WWOX: variants seen among roughly 807,000 people sequenced by gnomAD.
The protein encoded by WWOX is WW domain-containing oxidoreductase.
A neutral mutation model predicts 46.2 loss-of-function variants in WWOX; 69 were observed. The ratio of observed to expected loss-of-function variants is 1.49; its 90% CI spans 1.23 to 1.82. The LOEUF (loss-of-function observed/expected upper bound fraction) is 1.82, where lower values mean the gene tolerates loss of function less well. WWOX is among the 40% of genes most tolerant of loss of function. The probability of loss-of-function intolerance (pLI) is 0.00; values close to 1 mark genes in which losing one functional copy is unlikely to be tolerated. For synonymous variants in WWOX, 359 were observed against 202.6 expected (o/e 1.77, Z -6.56); for missense variants, 919 against 542.6 (o/e 1.69, Z -6.89).
At chr16:78,261,904 G>C (rs887902907) in intron 5 of WWOX, among the ~76,000 whole-genome samples, 1 of 150,078 alleles carries the variant, frequency 6.7e-6, no homozygotes, top group Admixed American at 6.7e-5. Flanking sequence ...GAAATTGACT[G>C]TGTAAGTTAA....
At chr16:78,649,105 C>T (rs929035922) in intron 8 of WWOX, among the ~76,000 whole-genome samples, 5 of 152,040 alleles carry the variant, frequency 3.3e-5, no homozygotes, top group Non-Finnish European at 7.4e-5. Context: ...TCCCAAGTAG[C>T]TGAGATTACA....
intron 6 of WWOX, among the ~76,000 whole-genome samples, chr16:78,423,408 A>T (rs7201782): frequency 0.096 from 14,567 of 152,018 alleles, 2,006 homozygotes; most frequent in African/African-American, 0.31. Context: ...AGTTTACTTT[A>T]TATTTGCTGC....
At chr16:78,715,593 C>G (rs1567510770) in intron 8 of WWOX, among the ~76,000 whole-genome samples, 1 of 151,934 alleles carries the variant, frequency 6.6e-6, no homozygotes, top group East Asian at 1.9e-4. Flanking sequence ...AAGCGATTCT[C>G]CTGCCTCAGC....
At chr16:78,764,992 G>C (rs1162333771) in intron 8 of WWOX, among the ~76,000 whole-genome samples, 1 of 152,188 alleles carries the variant, frequency 6.6e-6, no homozygotes, top group Non-Finnish European at 1.5e-5. Context: ...TTAAGATATG[G>C]TTGAGGGATG....
At chr16:78,456,793 T>C (rs763156965) in intron 8 of WWOX, among the ~76,000 whole-genome samples, 3 of 152,274 alleles carry the variant, frequency 2.0e-5, no homozygotes, top group Non-Finnish European at 4.4e-5. Flanking sequence ...TTTAAAGTGC[T>C]GTGGCTTTTT....
chr16:79,091,632 C>T (rs186331820), intron 8 of WWOX, among the ~76,000 whole-genome samples: 5 of 152,210 alleles, frequency 3.3e-5, no homozygotes, highest in East Asian at 1.9e-4. Context: ...AAAGTACCCT[C>T]GGGCAATTTA....
intron 8 of WWOX, among the ~76,000 whole-genome samples, chr16:78,462,893 T>A (rs1486727141): frequency 2.0e-5 from 3 of 152,174 alleles, no homozygotes; most frequent in South Asian, 2.1e-4. Context: ...CCTTACTGTT[T>A]CCCTTGGGCA....
intron 8 of WWOX, among the ~76,000 whole-genome samples, chr16:78,786,322 G>T (rs1245071226): frequency 6.6e-6 from 1 of 152,146 alleles, no homozygotes; most frequent in Non-Finnish European, 1.5e-5. Context: ...GTGGTACCCT[G>T]AGCAATTTTA....
intron 8 of WWOX, among the ~76,000 whole-genome samples, chr16:78,648,225 G>A (rs2046887904): frequency 6.6e-6 from 1 of 152,148 alleles, no homozygotes; most frequent in African/African-American, 2.4e-5. Context: ...TCTAATTCAT[G>A]CATATCCCTA....
rs754249009 is a variant in WWOX, at chr16:78,640,452, C to G, written c.1056+207700C>G. 2.6e-5 allele frequency among the ~76,000 whole-genome samples: 4 copies of G among 152,066 alleles called. No individual in the cohort carries two copies. The South Asian group carries it at 8.3e-4, about 32-fold the overall frequency. On this transcript the variant is annotated intron_variant, in intron 8 of 8. Transcript: ENST00000566780. ...AGGCTCACGTCTCCACATTCTGCAC[C>G]TCCCAGGCTCCTGCCATTGATGTGA...
At chr16:78,929,305 C>T (rs985519861) in intron 8 of WWOX, among the ~76,000 whole-genome samples, 7 of 151,626 alleles carry the variant, frequency 4.6e-5, no homozygotes, top group African/African-American at 1.7e-4. Flanking sequence ...TTAAGAGCCT[C>T]AAGTGTCCAA....
intron 8 of WWOX, among the ~76,000 whole-genome samples, chr16:78,915,223 G>GTTCCC (rs2045219682): frequency 6.6e-6 from 1 of 152,082 alleles, no homozygotes; most frequent in Non-Finnish European, 1.5e-5. Flanking sequence ...ATTCATTTGG[G>GTTCCC]TTGTACCGAT....
intron 8 of WWOX, among the ~76,000 whole-genome samples, chr16:78,692,807 T>C (rs1035454034): frequency 2.0e-5 from 3 of 152,218 alleles, no homozygotes; most frequent in African/African-American, 7.2e-5. Flanking sequence ...TCATTTGAAG[T>C]CATTGGAAAC....
At chr16:79,028,258 T>C (rs1428023248) in intron 8 of WWOX, among the ~76,000 whole-genome samples, 1 of 151,852 alleles carries the variant, frequency 6.6e-6, no homozygotes, top group African/African-American at 2.4e-5. Context: ...TGCTTTATTT[T>C]CCTTTGTGTT....
chr16:78,309,243 G>A (rs1388471849), intron 5 of WWOX, among the ~76,000 whole-genome samples: 1 of 152,176 alleles, frequency 6.6e-6, no homozygotes, highest in Admixed American at 6.5e-5. Context: ...GTGATCCGAT[G>A]GTTATAAATA....
At chr16:78,314,423 A>AT in intron 5 of WWOX, among the ~76,000 whole-genome samples, 1 of 144,100 alleles carries the variant, frequency 6.9e-6, no homozygotes, top group South Asian at 2.3e-4. Flanking sequence ...AAAAAAAAAA[A>AT]GTACAGGACA....
At chr16:78,806,987 C>G (rs1359337531) in intron 8 of WWOX, among the ~76,000 whole-genome samples, 1 of 152,212 alleles carries the variant, frequency 6.6e-6, no homozygotes, top group Non-Finnish European at 1.5e-5. Context: ...TCTTAGCATG[C>G]TCATCTATGA....
At chr16:78,491,620 A>C (rs1456619090) in intron 8 of WWOX, among the ~76,000 whole-genome samples, 1 of 151,980 alleles carries the variant, frequency 6.6e-6, no homozygotes. Context: ...GCGCTACCAC[A>C]CCTGGCTACC....
intron 8 of WWOX, among the ~76,000 whole-genome samples, chr16:78,918,607 C>T (rs1355167094): frequency 6.6e-6 from 1 of 152,104 alleles, no homozygotes; most frequent in East Asian, 1.9e-4. Context: ...GTATTCCTGG[C>T]AGGATTTGTA....
Sources: gnomAD v4.1 joint callset for allele counts (sites outside exome capture counted in the v4.1 genomes callset) on GRCh38, gnomAD v4.1.1 for gene constraint, MANE v1.5 for transcripts, NCBI Gene and HGNC (gene_info 2026-07-23, HGNC 2026-07-21) for gene names.